The following RPS6KC1 variants were observed in gnomAD, a reference collection of about 807,000 sequenced individuals.
The protein encoded by RPS6KC1 is inactive ribosomal protein S6 kinase delta-1.
In RPS6KC1, 54 loss-of-function variants were observed where a neutral mutation model predicts 103.8. The observed-to-expected ratio is 0.52, with a 90% CI of 0.42 to 0.65. The LOEUF (loss-of-function observed/expected upper bound fraction) is 0.65. RPS6KC1 is among the 30% of genes least tolerant of loss of function. The pLI, the probability that RPS6KC1 is intolerant of heterozygous loss-of-function variation, is 0.00. For missense variants in RPS6KC1, 1,151 were observed against 1,253.8 expected (o/e 0.92, Z 1.24); for synonymous variants, 439 against 438.7 (o/e 1.00, Z -0.01).
chr1:213,058,393 T>G (rs1304305903), intron 1 of RPS6KC1, among the ~76,000 whole-genome samples: 4 of 152,142 alleles, frequency 2.6e-5, no homozygotes, highest in Non-Finnish European at 4.4e-5. Context: ...GATAACTTAT[T>G]TCTTTGCATT....
At chr1:213,789,398 A>G in the RPS6KC1 span, among the ~76,000 whole-genome samples, 4 of 152,320 alleles carry the variant, frequency 2.6e-5, no homozygotes, top group East Asian at 3.9e-4. Context: ...AGAGTTTAGT[A>G]TTATAGAATT....
chr1:213,188,220 AAG>A (rs2092611766), intron 8 of RPS6KC1, among the ~76,000 whole-genome samples: 1 of 151,952 alleles, frequency 6.6e-6, no homozygotes, highest in East Asian at 1.9e-4. Context: ...AGGTGGGGAC[AAG>A]TCTCCTGCTT....
the RPS6KC1 span, among the ~76,000 whole-genome samples, chr1:213,643,969 C>T: frequency 1.1e-4 from 17 of 151,926 alleles, no homozygotes; most frequent in African/African-American, 3.6e-4. Context: ...AACCATACCG[C>T]GTCATGATGA....
the RPS6KC1 span, among the ~76,000 whole-genome samples, chr1:213,860,105 A>G: frequency 3.3e-5 from 5 of 151,328 alleles, no homozygotes; most frequent in Non-Finnish European, 7.4e-5. Flanking sequence ...ATAGATACGT[A>G]TATATATTCA....
the RPS6KC1 span, among the ~76,000 whole-genome samples, chr1:213,665,157 A>G: frequency 6.6e-6 from 1 of 152,062 alleles, no homozygotes; most frequent in Non-Finnish European, 1.5e-5. Flanking sequence ...GCCAGGAAGA[A>G]TAAAGGAACA....
chr1:213,709,149 C>T, the RPS6KC1 span, among the ~76,000 whole-genome samples: 8 of 152,074 alleles, frequency 5.3e-5, no homozygotes, highest in African/African-American at 1.9e-4. Context: ...TTGTACCTCT[C>T]GTAGAATTTG....
the RPS6KC1 span, among the ~76,000 whole-genome samples, chr1:213,547,151 C>T: frequency 6.6e-6 from 1 of 152,186 alleles, no homozygotes; most frequent in East Asian, 1.9e-4. Context: ...ATTTTCATCA[C>T]ATCATATTAA....
the RPS6KC1 span, among the ~76,000 whole-genome samples, chr1:213,436,896 C>T: frequency 6.6e-6 from 1 of 152,024 alleles, no homozygotes; most frequent in Non-Finnish European, 1.5e-5. Flanking sequence ...TGTATTTTAT[C>T]TGTGGATTAT....
chr1:213,405,531 C>T, the RPS6KC1 span, among the ~76,000 whole-genome samples: 1 of 152,172 alleles, frequency 6.6e-6, no homozygotes. Context: ...GTGGGAGCTT[C>T]CATATTGCAC....
At chr1:213,745,579 C>T in the RPS6KC1 span, among the ~76,000 whole-genome samples, 5 of 152,108 alleles carry the variant, frequency 3.3e-5, no homozygotes, top group African/African-American at 1.2e-4. Flanking sequence ...GGTTGTATTA[C>T]TGATCTTGTC....
the RPS6KC1 span, among the ~76,000 whole-genome samples, chr1:213,380,938 T>C: frequency 6.6e-6 from 1 of 152,192 alleles, no homozygotes; most frequent in East Asian, 1.9e-4. Flanking sequence ...GGGAACACCA[T>C]TTCCAGCCCC....
the RPS6KC1 span, among the ~76,000 whole-genome samples, chr1:213,352,390 G>T: frequency 6.6e-6 from 1 of 152,090 alleles, no homozygotes; most frequent in African/African-American, 2.4e-5. Context: ...ACATGCAAAT[G>T]ATGAAAAATT....
intron 8 of RPS6KC1, among the ~76,000 whole-genome samples, chr1:213,204,007 C>G (rs897939047): frequency 6.6e-6 from 1 of 152,202 alleles, no homozygotes; most frequent in Non-Finnish European, 1.5e-5. Context: ...TTCCAGTCCT[C>G]CAGAAGTTTC....
chr1:213,412,249 T>G, the RPS6KC1 span, among the ~76,000 whole-genome samples: 1 of 152,242 alleles, frequency 6.6e-6, no homozygotes, highest in African/African-American at 2.4e-5. Flanking sequence ...AGGAAACTAA[T>G]TCTAGTTTAA....
chr1:213,090,195 A>G (rs1292027830), intron 3 of RPS6KC1, among the ~76,000 whole-genome samples: 1 of 152,240 alleles, frequency 6.6e-6, no homozygotes, highest in African/African-American at 2.4e-5. Context: ...GATAATTTTA[A>G]GAAGTCATCA....
chr1:213,683,934 A>G, the RPS6KC1 span, among the ~76,000 whole-genome samples: 1 of 152,188 alleles, frequency 6.6e-6, no homozygotes, highest in Non-Finnish European at 1.5e-5. Flanking sequence ...GCACCACTTT[A>G]TAGCCATAAC....
At chr1:213,331,056 TA>T in the RPS6KC1 span, among the ~76,000 whole-genome samples, 3 of 152,072 alleles carry the variant, frequency 2.0e-5, no homozygotes, top group African/African-American at 7.2e-5. Context: ...AAGAAAAAAA[TA>T]AAGAGAGAAA....
chr1:213,565,299 A>C, the RPS6KC1 span, among the ~76,000 whole-genome samples: 1 of 152,208 alleles, frequency 6.6e-6, no homozygotes, highest in East Asian at 1.9e-4. Context: ...TACATTCACA[A>C]AAAGACTTGT....
At chr1:213,198,375 C>T (rs1254749051) in intron 8 of RPS6KC1, among the ~76,000 whole-genome samples, 1 of 152,130 alleles carries the variant, frequency 6.6e-6, no homozygotes, top group Non-Finnish European at 1.5e-5. Context: ...TGCCTCACAG[C>T]TCTTAATATT....
Sources: gnomAD v4.1 joint callset for allele counts (sites outside exome capture counted in the v4.1 genomes callset) on GRCh38, gnomAD v4.1.1 for gene constraint, MANE v1.5 for transcripts, NCBI Gene and HGNC (gene_info 2026-07-23, HGNC 2026-07-21) for gene names.